USH2A: variants seen among roughly 807,000 people sequenced by gnomAD.
The protein encoded by USH2A is usherin.
USH2A carries 443 observed loss-of-function variants against 538.9 expected under a neutral mutation model. That is an observed-to-expected ratio of 0.82 (90% CI 0.76 to 0.89). The LOEUF is 0.89. Among genes scored for constraint, USH2A ranks in the 40% least tolerant of loss-of-function variants. The pLI, the probability that USH2A is intolerant of heterozygous loss-of-function variation, is 0.00. For synonymous variants in USH2A, 2,413 were observed against 2,273.5 expected (o/e 1.06, Z -1.75); for missense variants, 6,633 against 6,324.8 (o/e 1.05, Z -1.65).
At chr1:215,671,347 G>T in intron 63 of USH2A, 54 bp from the exon 64 acceptor site, 1 of 1,573,868 alleles carries the variant, frequency 6.4e-7, no homozygotes. Flanking sequence ...ATTTTCATGG[G>T]AAGAATCTTT....
At chr1:215,838,229 T>A in intron 46 of USH2A, 126 bp from the exon 47 acceptor site, 1 of 774,610 alleles carries the variant, frequency 1.3e-6, no homozygotes, top group Non-Finnish European at 2.2e-6. Context: ...TCTTGAGGTT[T>A]AATCAATATT....
chr1:216,293,819 T>A (rs572297851), intron 9 of USH2A, among the ~76,000 whole-genome samples: 1 of 152,304 alleles, frequency 6.6e-6, no homozygotes, highest in East Asian at 1.9e-4. Flanking sequence ...AAAATAAACG[T>A]GATCGGTCAC....
chr1:215,779,503 G>T (rs1338716175), intron 55 of USH2A, among the ~76,000 whole-genome samples: 14 of 151,880 alleles, frequency 9.2e-5, no homozygotes, highest in Admixed American at 5.9e-4. Flanking sequence ...TATATTCTTG[G>T]CTATCTTAGT....
chr1:215,941,390 T>C (rs1258701059), intron 37 of USH2A, among the ~76,000 whole-genome samples: 1 of 152,164 alleles, frequency 6.6e-6, no homozygotes, highest in African/African-American at 2.4e-5. Context: ...TGTAGAAGTA[T>C]GGTCTATTTT....
intron 55 of USH2A, among the ~76,000 whole-genome samples, chr1:215,775,506 C>G (rs1427436997): frequency 6.6e-6 from 1 of 152,104 alleles, no homozygotes; most frequent in African/African-American, 2.4e-5. Flanking sequence ...AACACAATGG[C>G]AAACAGGAAG....
At chr1:215,912,501 A>ATATATATATG (rs1665829699) in intron 38 of USH2A, among the ~76,000 whole-genome samples, 1 of 27,666 alleles carries the variant, frequency 3.6e-5, no homozygotes, top group African/African-American at 8.8e-5. Context: ...GTGTATATAT[A>ATATATATATG]TATATATATA....
chr1:215,628,173 A>C (rs933211168), intron 71 of USH2A, among the ~76,000 whole-genome samples: 2 of 152,204 alleles, frequency 1.3e-5, no homozygotes, highest in African/African-American at 4.8e-5. Flanking sequence ...AAACAAAAAA[A>C]GTACCTTTTT....
At chr1:216,394,463 C>T (rs934066203) in intron 3 of USH2A, among the ~76,000 whole-genome samples, 1 of 151,996 alleles carries the variant, frequency 6.6e-6, no homozygotes, top group African/African-American at 2.4e-5. Flanking sequence ...GGTTATGCAA[C>T]AGTATACATC....
intron 21 of USH2A, among the ~76,000 whole-genome samples, chr1:216,121,861 C>A (rs568197190): frequency 2.6e-5 from 4 of 152,128 alleles, no homozygotes; most frequent in Non-Finnish European, 5.9e-5. Flanking sequence ...CATAAAAATT[C>A]TGCAACCTTT....
chr1:215,770,558 T>C (rs1024932952), intron 55 of USH2A, among the ~76,000 whole-genome samples: 12 of 152,164 alleles, frequency 7.9e-5, no homozygotes, highest in African/African-American at 2.9e-4. Context: ...CTCTATACAT[T>C]ATCTAAATAT....
intron 21 of USH2A, among the ~76,000 whole-genome samples, chr1:216,137,728 G>A (rs1028444522): frequency 3.9e-5 from 6 of 151,974 alleles, no homozygotes; most frequent in Admixed American, 2.6e-4. Context: ...ATTAAGGGTC[G>A]GTCTGGCTTT....
At chr1:215,900,931 A>G in intron 38 of USH2A, 26 bp from the exon 39 acceptor site, 1 of 1,612,774 alleles carries the variant, frequency 6.2e-7, no homozygotes, top group Non-Finnish European at 8.5e-7. Context: ...GATGAATTAG[A>G]GCAGAGAAAA....
At chr1:215,836,472 A>G (rs1197594021) in intron 47 of USH2A, among the ~76,000 whole-genome samples, 1 of 5,092 alleles carries the variant, frequency 2.0e-4, no homozygotes, top group Admixed American at 7.1e-3. Flanking sequence ...TATTATATAT[A>G]TATATATAAT....
chr1:215,985,691 T>C (rs1471973185), intron 35 of USH2A, among the ~76,000 whole-genome samples: 1 of 152,156 alleles, frequency 6.6e-6, no homozygotes, highest in Non-Finnish European at 1.5e-5. Flanking sequence ...TTAATTTGTA[T>C]TTATACATAT....
At chr1:215,975,577 T>C (rs1298189701) in intron 35 of USH2A, among the ~76,000 whole-genome samples, 1 of 152,210 alleles carries the variant, frequency 6.6e-6, no homozygotes, top group South Asian at 2.1e-4. Flanking sequence ...AGGCAGTCCT[T>C]TCTCCATTGA....
Position 216,032,749 on chromosome 1 carries a change from G to A in USH2A, c.6325+13682C>T, listed in dbSNP as rs1038248706. Among the ~76,000 whole-genome samples the A allele has an allele frequency of 2.0e-5, 3 of 152,236 alleles. No homozygotes were observed. The South Asian group carries it at 6.2e-4, about 32-fold the overall frequency. On this transcript the variant is annotated intron_variant, in intron 32 of 71. Coordinates refer to ENST00000307340, the MANE Select transcript of USH2A (RefSeq NM_206933.4). ...TTGAGATGGAGGGAGCCATGTGAAA[G>A]GACCTGAGGTGGCCCCTAGAAGCTG... is the stretch of plus-strand genomic sequence containing the variant.
At chr1:216,308,791 C>A (rs531074437) in intron 9 of USH2A, among the ~76,000 whole-genome samples, 10 of 152,198 alleles carry the variant, frequency 6.6e-5, no homozygotes, top group African/African-American at 2.4e-4. Flanking sequence ...ATACAATAAG[C>A]CTCTTTTTCT....
In USH2A at chr1:216,153,190, G is replaced by A. The variant is rs192202126; in HGVS notation, c.4627+22062C>T. ...TGTAACCTGATTCTTCTTGGACACC[G>A]GACAAGAACCCAGGTACCAAGAAAG... On this transcript the variant is annotated intron_variant, in intron 21 of 71. Coordinates refer to ENST00000307340, the MANE Select transcript of USH2A (RefSeq NM_206933.4). Among the ~76,000 whole-genome samples the A allele has an allele frequency of 8.5e-5, 13 of 152,186 alleles. No homozygotes were observed. In the East Asian group the frequency reaches 1.2e-3, roughly 14 times the overall value.
intron 2 of USH2A, among the ~76,000 whole-genome samples, chr1:216,419,907 C>T (rs906833280): frequency 1.3e-5 from 2 of 151,720 alleles, no homozygotes; most frequent in Non-Finnish European, 1.5e-5. Context: ...TTGTAAAACA[C>T]TAATAGTCCC....
Sources: allele counts gnomAD v4.1 joint callset (sites outside exome capture counted in the v4.1 genomes callset), GRCh38; gene constraint gnomAD v4.1.1; transcripts MANE v1.5; gene names NCBI Gene and HGNC (gene_info 2026-07-23, HGNC 2026-07-21).